Variants in STXBP5L observed in about 807,000 individuals in gnomAD.
STXBP5L encodes the protein syntaxin-binding protein 5-like.
A neutral mutation model predicts 144.5 loss-of-function variants in STXBP5L; 65 were observed. The ratio of observed to expected loss-of-function variants is 0.45; its 90% CI spans 0.37 to 0.55. STXBP5L has a LOEUF of 0.55. Among genes scored for constraint, STXBP5L ranks in the 20% least tolerant of loss-of-function variants. STXBP5L has a pLI of 0.00. For synonymous variants in STXBP5L, 505 were observed against 469.6 expected, an observed-to-expected ratio of 1.08 and a Z score of -0.97; for missense variants, 1,298 against 1,405.5, an observed-to-expected ratio of 0.92 and a Z score of 1.22.
At chr3:121,374,445 A>G (rs1395310444) in intron 20 of STXBP5L, among the ~76,000 whole-genome samples, 3 of 152,194 alleles carry the variant, frequency 2.0e-5, no homozygotes. Flanking sequence ...TAATTCTCCA[A>G]TAACAGACCC....
At chr3:121,081,116 A>T (rs2042230346) in intron 5 of STXBP5L, among the ~76,000 whole-genome samples, 1 of 151,688 alleles carries the variant, frequency 6.6e-6, no homozygotes. Flanking sequence ...GACCTCTGAA[A>T]TTCTTTCTTC....
chr3:121,005,449 T>C (rs543304334), intron 3 of STXBP5L, among the ~76,000 whole-genome samples: 1 of 152,324 alleles, frequency 6.6e-6, no homozygotes, highest in South Asian at 2.1e-4. Context: ...TCTTTTCTTC[T>C]TTATTAGTCA....
At chr3:121,259,231 T>G in intron 18 of STXBP5L, 63 bp downstream of exon 18, 4 of 1,308,860 alleles carry the variant, frequency 3.1e-6, no homozygotes, top group Non-Finnish European at 4.0e-6. Context: ...TTTTTAGATG[T>G]TCCTTGCTTA....
At chr3:121,327,332 A>G (rs2044180856) in intron 20 of STXBP5L, among the ~76,000 whole-genome samples, 1 of 152,170 alleles carries the variant, frequency 6.6e-6, no homozygotes, top group Non-Finnish European at 1.5e-5. Context: ...ACTGTTGATT[A>G]CTCTGCTGCA....
At chr3:121,257,132 A>G (rs746335456) in intron 16 of STXBP5L, 29 bp from the exon 17 acceptor site, 8 of 1,517,108 alleles carry the variant, frequency 5.3e-6, no homozygotes, top group Non-Finnish European at 4.5e-6. Context: ...AGTGTGACTT[A>G]AATTAAATTT....
At chr3:121,028,996 C>T (rs1046259586) in intron 3 of STXBP5L, among the ~76,000 whole-genome samples, 7 of 151,862 alleles carry the variant, frequency 4.6e-5, no homozygotes, top group South Asian at 4.2e-4. Flanking sequence ...CTCTTCAAGA[C>T]GAACTACAAA....
intron 5 of STXBP5L, among the ~76,000 whole-genome samples, chr3:121,057,753 C>A (rs1445360287): frequency 6.6e-6 from 1 of 151,854 alleles, no homozygotes; most frequent in Non-Finnish European, 1.5e-5. Flanking sequence ...TTAACTTTTG[C>A]ATTTCTATTT....
At chr3:121,000,056 T>G (rs1272553112) in intron 3 of STXBP5L, among the ~76,000 whole-genome samples, 2 of 152,132 alleles carry the variant, frequency 1.3e-5, no homozygotes, top group Non-Finnish European at 2.9e-5. Context: ...TCCTTCACAT[T>G]GAGCTTGGGG....
intron 11 of STXBP5L, among the ~76,000 whole-genome samples, chr3:121,228,454 C>T (rs1256902146): frequency 6.6e-6 from 1 of 152,108 alleles, no homozygotes; most frequent in Non-Finnish European, 1.5e-5. Context: ...AAAGTAAAAC[C>T]AGAGAAACTA....
In STXBP5L at chr3:121,364,945, A is replaced by G. The variant is rs375236463; in HGVS notation, c.2177-13771A>G. On this transcript the variant is annotated intron_variant, in intron 20 of 26. Coordinates refer to ENST00000471454, the MANE Select transcript of STXBP5L (RefSeq NM_001308330.2). ...ATAAAAGGGTGGTGAGTTTCATCAA[A>G]TGCTTTTTCTGCTCAATTGAGATGA... is the stretch of plus-strand genomic sequence containing the variant. 5.9e-5 allele frequency among the ~76,000 whole-genome samples: 9 copies of G among 151,992 alleles called. No individual in the cohort carries two copies. The East Asian group carries it at 1.2e-3, about 20-fold the overall frequency.
intron 3 of STXBP5L, among the ~76,000 whole-genome samples, chr3:120,985,275 G>A (rs998199339): frequency 6.6e-6 from 1 of 151,980 alleles, no homozygotes; most frequent in African/African-American, 2.4e-5. Flanking sequence ...ATTCCTCTGC[G>A]AAGCCATGGG....
At chr3:121,297,614 T>C (rs1207966705) in intron 19 of STXBP5L, among the ~76,000 whole-genome samples, 6 of 151,860 alleles carry the variant, frequency 4.0e-5, no homozygotes. Context: ...ATTAGCTGGG[T>C]GTGGTGGCTC....
At chr3:121,367,603 T>TG (rs1222525668) in intron 20 of STXBP5L, among the ~76,000 whole-genome samples, 13 of 139,184 alleles carry the variant, frequency 9.3e-5, no homozygotes, top group South Asian at 2.4e-4. Context: ...TTGTTTTTTT[T>TG]TTTTTTTTTT....
chr3:121,194,318 TAAC>T (rs1163428191), intron 9 of STXBP5L, among the ~76,000 whole-genome samples: 4 of 152,216 alleles, frequency 2.6e-5, no homozygotes, highest in Non-Finnish European at 4.4e-5. Context: ...TTTTTTCTCT[TAAC>T]AAAATTCTTT....
At chr3:121,344,802 T>C (rs1189221008) in intron 20 of STXBP5L, among the ~76,000 whole-genome samples, 1 of 151,614 alleles carries the variant, frequency 6.6e-6, no homozygotes, top group Non-Finnish European at 1.5e-5. Context: ...TAAAGGGAAA[T>C]CAATTGATAC....
intron 5 of STXBP5L, among the ~76,000 whole-genome samples, chr3:121,113,573 G>C (rs940046389): frequency 6.6e-6 from 1 of 151,592 alleles, no homozygotes; most frequent in African/African-American, 2.4e-5. Flanking sequence ...AATATATGAA[G>C]TTTGGTTCAA....
At chr3:121,064,162 G>T (rs1266655414) in intron 5 of STXBP5L, among the ~76,000 whole-genome samples, 1 of 152,200 alleles carries the variant, frequency 6.6e-6, no homozygotes, top group Non-Finnish European at 1.5e-5. Context: ...TGTGAAGACT[G>T]TGGAAAGTGT....
At chr3:121,211,633 C>T (rs2108256902) in intron 10 of STXBP5L, among the ~76,000 whole-genome samples, 1 of 129,942 alleles carries the variant, frequency 7.7e-6, no homozygotes, top group South Asian at 2.4e-4. Context: ...GGCTGGAGTG[C>T]AGTGGCGTGA....
chr3:121,355,264 T>C (rs2045464669), intron 20 of STXBP5L, among the ~76,000 whole-genome samples: 1 of 152,214 alleles, frequency 6.6e-6, no homozygotes, highest in African/African-American at 2.4e-5. Flanking sequence ...TTCTCCTGGA[T>C]AATATCCTGC....
Sources: gnomAD v4.1 joint callset for allele counts (sites outside exome capture counted in the v4.1 genomes callset) on GRCh38, gnomAD v4.1.1 for gene constraint, MANE v1.5 for transcripts, NCBI Gene and HGNC (gene_info 2026-07-23, HGNC 2026-07-21) for gene names.